Variants in CCDC172 observed in about 807,000 individuals in gnomAD.
CCDC172 encodes coiled-coil domain containing 172.
CCDC172 carries 30 observed loss-of-function variants against 38.0 expected under a neutral mutation model. The observed-to-expected ratio is 0.79, with a 90% CI of 0.59 to 1.07. The LOEUF (loss-of-function observed/expected upper bound fraction) is 1.07. CCDC172 is among the 50% of genes least tolerant of loss of function. The pLI is 0.00. For missense variants in CCDC172, 297 were observed against 290.1 expected (o/e 1.02, Z -0.17); for synonymous variants, 78 against 88.3 (o/e 0.88, Z 0.66).
intron 3 of CCDC172, among the ~76,000 whole-genome samples, chr10:116,339,894 T>C (rs755703609): frequency 2.0e-5 from 3 of 151,988 alleles, no homozygotes; most frequent in Non-Finnish European, 2.9e-5. Context: ...ACCATAAATC[T>C]TGCTTTCTGC....
At chr10:116,360,779 T>C (rs1845054029) in intron 7 of CCDC172, among the ~76,000 whole-genome samples, 1 of 152,110 alleles carries the variant, frequency 6.6e-6, no homozygotes, top group African/African-American at 2.4e-5. Flanking sequence ...AGTTTTATCA[T>C]TGCTGGACTC....
intron 7 of CCDC172, among the ~76,000 whole-genome samples, chr10:116,366,814 C>G (rs1355274533): frequency 1.3e-5 from 2 of 152,190 alleles, no homozygotes; most frequent in African/African-American, 2.4e-5. Context: ...GATCTCCATC[C>G]TCTTCAATGC....
At chr10:116,336,166 TCAA>T (rs71985654) in intron 3 of CCDC172, among the ~76,000 whole-genome samples, 13,882 of 150,360 alleles carry the variant, frequency 0.092, 873 homozygotes, top group East Asian at 0.21. Context: ...AGACTCCATT[TCAA>T]CAACAACAAA....
At chr10:116,339,076 CTCTGGTGGA>C (rs1163334308) in intron 3 of CCDC172, among the ~76,000 whole-genome samples, 1 of 151,982 alleles carries the variant, frequency 6.6e-6, no homozygotes, top group Non-Finnish European at 1.5e-5. Context: ...TCTCAGTAAG[CTCTGGTGGA>C]TCTAGGATTT....
chr10:116,327,859 C>T (rs991706273), intron 3 of CCDC172, among the ~76,000 whole-genome samples: 4 of 152,000 alleles, frequency 2.6e-5, no homozygotes, highest in Non-Finnish European at 4.4e-5. Context: ...AAGAACTAAT[C>T]CTAAATTGAT....
intron 6 of CCDC172, 38 bp from the exon 7 acceptor site, chr10:116,357,798 A>C (rs1348920494): frequency 1.8e-6 from 2 of 1,099,894 alleles, no homozygotes; most frequent in Non-Finnish European, 1.3e-6. Context: ...TTTATGTTTA[A>C]TTTTCAAAAG....
intron 3 of CCDC172, among the ~76,000 whole-genome samples, chr10:116,328,562 G>A (rs1844619268): frequency 6.6e-6 from 1 of 152,032 alleles, no homozygotes; most frequent in Admixed American, 6.6e-5. Context: ...ATTCCCTTAA[G>A]AGGGAGTAAA....
intron 5 of CCDC172, among the ~76,000 whole-genome samples, chr10:116,353,439 T>G (rs879076111): frequency 6.6e-6 from 1 of 152,156 alleles, no homozygotes; most frequent in Admixed American, 6.5e-5. Context: ...ATCAAGGAAG[T>G]GAAAAGACGA....
At chr10:116,353,485 T>G (rs1431064533) in intron 5 of CCDC172, among the ~76,000 whole-genome samples, 1 of 152,164 alleles carries the variant, frequency 6.6e-6, no homozygotes, top group Non-Finnish European at 1.5e-5. Flanking sequence ...AAATCATATA[T>G]AAGGGACTTG....
intron 5 of CCDC172, among the ~76,000 whole-genome samples, chr10:116,346,532 GT>G (rs998032604): frequency 5.3e-5 from 8 of 151,982 alleles, no homozygotes; most frequent in African/African-American, 1.9e-4. Context: ...AATCTTTTGG[GT>G]TGATAGAAAT....
chr10:116,326,909 G>C (rs1844599835), intron 3 of CCDC172, among the ~76,000 whole-genome samples: 2 of 152,172 alleles, frequency 1.3e-5, no homozygotes, highest in Admixed American at 6.5e-5. Flanking sequence ...AGGTAAACTA[G>C]CTGCTACCAG....
At chr10:116,372,825 T>A (rs1845202130) in intron 7 of CCDC172, among the ~76,000 whole-genome samples, 1 of 151,992 alleles carries the variant, frequency 6.6e-6, no homozygotes, top group African/African-American at 2.4e-5. Flanking sequence ...ATGAAGATAA[T>A]AACTATAGAA....
At chr10:116,329,228 A>T (rs777580107) in intron 3 of CCDC172, among the ~76,000 whole-genome samples, 6 of 152,194 alleles carry the variant, frequency 3.9e-5, no homozygotes, top group Non-Finnish European at 7.3e-5. Context: ...AAACTTGGAA[A>T]TAGGCAAAAA....
chr10:116,344,885 A>G (rs1310192582), intron 5 of CCDC172, among the ~76,000 whole-genome samples: 1 of 151,114 alleles, frequency 6.6e-6, no homozygotes, highest in Non-Finnish European at 1.5e-5. Context: ...AAAAAAACCT[A>G]AAACACAAAC....
At chr10:116,346,946 G>A (rs1475389436) in intron 5 of CCDC172, among the ~76,000 whole-genome samples, 3 of 152,156 alleles carry the variant, frequency 2.0e-5, no homozygotes, top group Non-Finnish European at 4.4e-5. Context: ...AAGATGATAT[G>A]AGAACATATA....
rs759762790 is a variant in CCDC172, at chr10:116,325,386, A to G, written c.163A>G (p.Lys55Glu). 27 of 1,610,758 alleles carry G rather than the reference A, an allele frequency of 1.7e-5. No individual in the cohort carries two copies. The highest frequency in any genetic ancestry group is 2.1e-5 in the Non-Finnish European group (25 of 1,178,206). Residue 55 changes from lysine (K) to glutamate (E), a missense_variant and splice_region_variant, in exon 3 of 9, where the codon AAG becomes GAG. Physicochemically the swap from Lys to Glu is moderately conservative, Grantham distance 56 (BLOSUM62 1). Transcript: ENST00000333254. Reference sequence around the variant, plus strand: ...TGAAGAGAAAATCAAGCTGGAATCTAAGGTATTGAAATGTAAAGCATACTA... The same window carrying G: ...TGAAGAGAAAATCAAGCTGGAATCTGAGGTATTGAAATGTAAAGCATACTA... ...LNEEKIKLES[K>E]VQQFFEKSFF...
At chr10:116,333,422 A>G (rs372998389) in intron 3 of CCDC172, among the ~76,000 whole-genome samples, 4 of 152,122 alleles carry the variant, frequency 2.6e-5, no homozygotes, top group African/African-American at 9.7e-5. Context: ...TTTCTTGCAC[A>G]TGTGCCAAGT....
chr10:116,328,048 C>T (rs1043671604), intron 3 of CCDC172, among the ~76,000 whole-genome samples: 6 of 152,182 alleles, frequency 3.9e-5, no homozygotes, highest in African/African-American at 1.2e-4. Context: ...TACAGTCATA[C>T]ATTCAGAAAA....
chr10:116,357,717 A>T, intron 6 of CCDC172, 119 bp from the exon 7 acceptor site: 1 of 685,840 alleles, frequency 1.5e-6, no homozygotes, highest in South Asian at 2.1e-5. Context: ...AATAAAAATC[A>T]TTAGTGTATA....
Sources: allele counts gnomAD v4.1 joint callset (sites outside exome capture counted in the v4.1 genomes callset), GRCh38; gene constraint gnomAD v4.1.1; transcripts MANE v1.5; gene names NCBI Gene and HGNC (gene_info 2026-07-23, HGNC 2026-07-21).